ATP9B: variants seen among roughly 807,000 people sequenced by gnomAD.
ATP9B encodes ATPase phospholipid transporting 9B.
Under a neutral mutation model 146.1 loss-of-function variants are expected in ATP9B, and 110 were observed. That is an observed-to-expected ratio of 0.75 (90% CI 0.65 to 0.88). ATP9B has a LOEUF of 0.88. Among genes scored for constraint, ATP9B ranks in the 40% least tolerant of loss-of-function variants. The probability of loss-of-function intolerance (pLI) is 0.00; values close to 1 mark genes in which losing one functional copy is unlikely to be tolerated. For missense variants in ATP9B, 1,499 were observed against 1,496.4 expected, an observed-to-expected ratio of 1.00 and a Z score of -0.03; for synonymous variants, 604 against 569.7, an observed-to-expected ratio of 1.06 and a Z score of -0.86.
At chr18:79,185,036 A>G (rs2095292999) in intron 8 of ATP9B, among the ~76,000 whole-genome samples, 2 of 152,080 alleles carry the variant, frequency 1.3e-5, no homozygotes, top group South Asian at 4.1e-4. Flanking sequence ...ACATGTTTCC[A>G]TTAACATACA....
chr18:79,141,286 G>T (rs927165778), intron 5 of ATP9B, among the ~76,000 whole-genome samples: 1 of 152,158 alleles, frequency 6.6e-6, no homozygotes, highest in Admixed American at 6.5e-5. Context: ...ATTATTGATT[G>T]TAAGTTTTCC....
rs1014246697 is a variant in ATP9B at position 79,241,268 on chromosome 18, G to A, written c.1108-12113G>A. 3.4e-4 allele frequency among the ~76,000 whole-genome samples: 51 copies of A among 152,028 alleles called. 1 individual carries two copies. Among genetic ancestry groups the A allele is most frequent in the African/African-American group, 1.0e-3 (43 of 41,360 alleles). On this transcript the variant is annotated intron_variant, in intron 11 of 29. Coordinates refer to ENST00000426216, the MANE Select transcript of ATP9B (RefSeq NM_198531.5). The stretch of plus-strand genomic sequence containing the variant: ...GAACATGGACAGATGGGTTTGTCCC[G>A]TGTGAGAATTCCGCAGCCTTTCCAT...
At chr18:79,163,531 A>T (rs2147774717) in intron 7 of ATP9B, among the ~76,000 whole-genome samples, 1 of 152,266 alleles carries the variant, frequency 6.6e-6, no homozygotes, top group South Asian at 2.1e-4. Context: ...ATTTTACGTT[A>T]CTTTAATATT....
intron 8 of ATP9B, among the ~76,000 whole-genome samples, chr18:79,179,777 A>G (rs1194262076): frequency 1.3e-5 from 2 of 152,216 alleles, no homozygotes; most frequent in East Asian, 1.9e-4. Context: ...TATTGCCTGG[A>G]TGTTCTGTAA....
chr18:79,173,844 T>C, intron 7 of ATP9B: 2 of 439,012 alleles, frequency 4.6e-6, no homozygotes, highest in South Asian at 3.3e-5. Flanking sequence ...ACTTTACCTT[T>C]CTATACACAT....
chr18:79,320,112 T>C (rs1362737691), intron 15 of ATP9B, among the ~76,000 whole-genome samples: 3 of 152,240 alleles, frequency 2.0e-5, no homozygotes, highest in African/African-American at 7.2e-5. Flanking sequence ...TCCACTCAGC[T>C]TTCCACTTTT....
At chr18:79,345,072 C>G (rs776416080) in intron 21 of ATP9B, among the ~76,000 whole-genome samples, 1 of 152,126 alleles carries the variant, frequency 6.6e-6, no homozygotes, top group Non-Finnish European at 1.5e-5. Context: ...AGAACGTCAC[C>G]GGGTCACATG....
Position 79,355,761 on chromosome 18 carries a change from G to A in ATP9B, c.2904-3593G>A, listed in dbSNP as rs577421181. Reference sequence around the variant, plus strand: ...CCCAGATTTGGCAAAAGACATAAATGTATAGATTCAAGAAGGTAAGCAAAC... The same window carrying A: ...CCCAGATTTGGCAAAAGACATAAATATATAGATTCAAGAAGGTAAGCAAAC... On this transcript the variant is annotated intron_variant, in intron 25 of 29. Coordinates refer to ENST00000426216, the MANE Select transcript of ATP9B (RefSeq NM_198531.5). 5.9e-5 allele frequency among the ~76,000 whole-genome samples: 9 copies of A among 152,324 alleles called. No individual in the cohort carries two copies. The South Asian group carries it at 1.7e-3, about 28-fold the overall frequency.
chr18:79,347,648 AC>A, intron 23 of ATP9B, 121 bp from the exon 24 acceptor site: 1 of 1,214,730 alleles, frequency 8.2e-7, no homozygotes, highest in Non-Finnish European at 1.1e-6. Flanking sequence ...CTGAAGCTTT[AC>A]AAGTTCTGCA....
At chr18:79,186,544 T>C (rs936921692) in intron 8 of ATP9B, among the ~76,000 whole-genome samples, 3 of 152,186 alleles carry the variant, frequency 2.0e-5, no homozygotes, top group African/African-American at 7.2e-5. Flanking sequence ...GTTTCATGTT[T>C]TGAAAATTAC....
At position 79,277,194 on chromosome 18, in the gene ATP9B, C is replaced by G; in HGVS notation, c.1409C>G (p.Thr470Arg). Reference sequence around the variant, plus strand: ...CTGGTGTATTTATTGACAGACAAAACAGGTACTGTTCGTGGTCTGTGTTCA... The same window carrying G: ...CTGGTGTATTTATTGACAGACAAAAGAGGTACTGTTCGTGGTCTGTGTTCA... ...GRLVYLLTDKTGTLTQNEMIF... is the reference protein window; with the variant it reads ...GRLVYLLTDKRGTLTQNEMIF... The change falls in exon 13 of 30, where the codon ACA (threonine) becomes AGA (arginine). Residue 470 changes from threonine (T) to arginine (R), a missense_variant and splice_region_variant. Transcript: ENST00000426216. 1 of 1,614,186 alleles carries G rather than the reference C, an allele frequency of 6.2e-7. No homozygotes were observed. The highest frequency in any genetic ancestry group is 8.5e-7 in the Non-Finnish European group (1 of 1,180,012).
chr18:79,177,325 G>A (rs2095187500), intron 8 of ATP9B, among the ~76,000 whole-genome samples: 2 of 151,956 alleles, frequency 1.3e-5, no homozygotes, highest in Admixed American at 1.3e-4. Flanking sequence ...AGCCTCAAAC[G>A]CCTGGGCTCA....
intron 5 of ATP9B, among the ~76,000 whole-genome samples, chr18:79,129,906 G>T (rs1470725393): frequency 6.6e-6 from 1 of 152,078 alleles, no homozygotes; most frequent in African/African-American, 2.4e-5. Context: ...ACCATGCCCG[G>T]CTATTTTTTG....
At chr18:79,277,735 G>A (rs1302366500) in intron 13 of ATP9B, among the ~76,000 whole-genome samples, 2 of 151,780 alleles carry the variant, frequency 1.3e-5, no homozygotes, top group Non-Finnish European at 2.9e-5. Context: ...TTACCAATCC[G>A]TAACAGATTA....
intron 7 of ATP9B, among the ~76,000 whole-genome samples, chr18:79,169,383 A>T (rs557377734): frequency 6.6e-6 from 1 of 152,288 alleles, no homozygotes; most frequent in South Asian, 2.1e-4. Flanking sequence ...TAATGCTTTC[A>T]GTATAGTAGG....
chr18:79,151,045 C>A (rs894095115), intron 6 of ATP9B, among the ~76,000 whole-genome samples: 5 of 152,160 alleles, frequency 3.3e-5, no homozygotes, highest in Non-Finnish European at 7.3e-5. Context: ...TTCAGTGTTA[C>A]CCCTCTCAAA....
intron 12 of ATP9B, 59 bp from the exon 13 acceptor site, chr18:79,276,995 T>C (rs2096317959): frequency 6.4e-7 from 1 of 1,564,152 alleles, no homozygotes; most frequent in Non-Finnish European, 8.8e-7. Flanking sequence ...GCAGTTTGGG[T>C]GTGAACTTGG....
intron 7 of ATP9B, among the ~76,000 whole-genome samples, chr18:79,162,901 T>C (rs1367141137): frequency 6.6e-6 from 1 of 152,218 alleles, no homozygotes; most frequent in African/African-American, 2.4e-5. Context: ...CCTGTCAGTT[T>C]CTTCAGCACA....
intron 12 of ATP9B, among the ~76,000 whole-genome samples, chr18:79,261,917 G>C (rs1030750575): frequency 6.6e-6 from 1 of 152,168 alleles, no homozygotes; most frequent in African/African-American, 2.4e-5. Context: ...CCTTCTGCCT[G>C]CTGAACACTT....
Sources: gnomAD v4.1 joint callset for allele counts (sites outside exome capture counted in the v4.1 genomes callset) on GRCh38, gnomAD v4.1.1 for gene constraint, MANE v1.5 for transcripts, NCBI Gene and HGNC (gene_info 2026-07-23, HGNC 2026-07-21) for gene names.